SGCZ: variants seen among roughly 807,000 people sequenced by gnomAD.
SGCZ encodes the protein sarcoglycan zeta, also known as zeta-sarcoglycan.
SGCZ carries 40 observed loss-of-function variants against 41.3 expected under a neutral mutation model. The observed-to-expected ratio is 0.97, with a 90% confidence interval of 0.75 to 1.26. The LOEUF (loss-of-function observed/expected upper bound fraction) is 1.26, where lower values mean the gene tolerates loss of function less well. Ranked by LOEUF, SGCZ falls within the 50% of genes most tolerant of loss-of-function variation. SGCZ has a pLI of 0.00. For synonymous variants in SGCZ, 206 were observed against 137.5 expected (o/e 1.50, Z -3.49); for missense variants, 552 against 369.8 (o/e 1.49, Z -4.04).
At chr8:14,142,556 G>A (rs1330497378) in intron 5 of SGCZ, among the ~76,000 whole-genome samples, 3 of 152,202 alleles carry the variant, frequency 2.0e-5, no homozygotes, top group Admixed American at 1.3e-4. Context: ...TGAAGCAACT[G>A]GCTTATTGTC....
intron 4 of SGCZ, among the ~76,000 whole-genome samples, chr8:14,192,242 A>C (rs923873313): frequency 2.6e-5 from 4 of 152,132 alleles, no homozygotes; most frequent in African/African-American, 9.6e-5. Context: ...ATGCTTACCA[A>C]ATTTTTGCAT....
intron 1 of SGCZ, among the ~76,000 whole-genome samples, chr8:14,672,142 GC>G (rs1393500584): frequency 1.3e-5 from 2 of 152,100 alleles, no homozygotes; most frequent in Non-Finnish European, 2.9e-5. Context: ...GGTTCTCTTT[GC>G]CTTCTAAATG....
intron 4 of SGCZ, among the ~76,000 whole-genome samples, chr8:14,191,274 T>C (rs922889734): frequency 6.6e-6 from 1 of 152,086 alleles, no homozygotes; most frequent in African/African-American, 2.4e-5. Context: ...TATAATCCTT[T>C]AATCCATATG....
At chr8:14,745,465 C>T (rs886879426) in intron 1 of SGCZ, among the ~76,000 whole-genome samples, 1 of 151,984 alleles carries the variant, frequency 6.6e-6, no homozygotes, top group Non-Finnish European at 1.5e-5. Flanking sequence ...ATGCCTTAGT[C>T]CCATCTACTC....
chr8:14,374,661 C>T (rs759907097), intron 2 of SGCZ, among the ~76,000 whole-genome samples: 5 of 152,144 alleles, frequency 3.3e-5, no homozygotes, highest in Non-Finnish European at 7.3e-5. Context: ...CACATACTGC[C>T]ATGTTTTCCT....
At chr8:14,157,442 A>T (rs1332180313) in intron 5 of SGCZ, among the ~76,000 whole-genome samples, 1 of 150,262 alleles carries the variant, frequency 6.7e-6, no homozygotes, top group Non-Finnish European at 1.5e-5. Context: ...TGTCTTTTTG[A>T]CATGTCCCCA....
intron 4 of SGCZ, among the ~76,000 whole-genome samples, chr8:14,221,588 C>G (rs1477177717): frequency 6.6e-6 from 1 of 152,152 alleles, no homozygotes; most frequent in African/African-American, 2.4e-5. Flanking sequence ...TTTGAATTAC[C>G]ATTACAATTG....
At chr8:14,546,748 A>G (rs1486326886) in intron 2 of SGCZ, among the ~76,000 whole-genome samples, 1 of 152,188 alleles carries the variant, frequency 6.6e-6, no homozygotes, top group Non-Finnish European at 1.5e-5. Context: ...GAAAGCACGG[A>G]GTTATACCAT....
chr8:14,232,774 G>T (rs571814278), intron 4 of SGCZ, among the ~76,000 whole-genome samples: 1 of 152,094 alleles, frequency 6.6e-6, no homozygotes, highest in Non-Finnish European at 1.5e-5. Flanking sequence ...TTCCCTAGGT[G>T]TTAGTTCATT....
intron 1 of SGCZ, among the ~76,000 whole-genome samples, chr8:15,099,608 G>T (rs2054062): frequency 1.3e-5 from 2 of 152,028 alleles, no homozygotes; most frequent in African/African-American, 4.8e-5. Context: ...TCATAACTAA[G>T]TCATTCTATG....
chr8:14,278,490 T>C (rs1800310144), intron 3 of SGCZ, among the ~76,000 whole-genome samples: 1 of 152,160 alleles, frequency 6.6e-6, no homozygotes, highest in African/African-American at 2.4e-5. Flanking sequence ...AGCCATGTTG[T>C]GAGATGATGA....
chr8:14,885,990 T>C (rs1426404447), intron 1 of SGCZ, among the ~76,000 whole-genome samples: 1 of 24,968 alleles, frequency 4.0e-5, no homozygotes, highest in Non-Finnish European at 9.3e-5. Context: ...TTATGTTATA[T>C]ATATATATAT....
At chr8:15,115,390 T>C (rs900609591) in intron 1 of SGCZ, among the ~76,000 whole-genome samples, 7 of 152,194 alleles carry the variant, frequency 4.6e-5, no homozygotes, top group Non-Finnish European at 1.0e-4. Flanking sequence ...ACATGACTGT[T>C]GGAAAACTGG....
At chr8:15,236,759 C>T (rs1268682606) in intron 1 of SGCZ, among the ~76,000 whole-genome samples, 1 of 152,186 alleles carries the variant, frequency 6.6e-6, no homozygotes, top group East Asian at 1.9e-4. Flanking sequence ...TCCCTCCGGG[C>T]AGGCCCTCAC....
In SGCZ at chr8:14,652,818, T is replaced by C. The variant is rs146894681; in HGVS notation, c.40-97892A>G. Among the ~76,000 whole-genome samples the C allele has an allele frequency of 4.7e-3, 710 of 152,206 alleles. 6 individuals are homozygous for C. Among genetic ancestry groups the C allele is most frequent in the African/African-American group, 0.016 (666 of 41,528 alleles). On this transcript the variant is annotated intron_variant, in intron 1 of 7. Coordinates refer to ENST00000382080, the MANE Select transcript of SGCZ (RefSeq NM_139167.4). ...TTAAATATAGATGAGGTGTCTAGAA[T>C]AGAAATAGACAAGTCTACAATGAAT...
At chr8:14,929,844 A>T in intron 1 of SGCZ, among the ~76,000 whole-genome samples, 1 of 152,090 alleles carries the variant, frequency 6.6e-6, no homozygotes, top group East Asian at 1.9e-4. Flanking sequence ...TTATTTCAAC[A>T]GAATGACAGG....
chr8:14,718,426 A>T, intron 1 of SGCZ, among the ~76,000 whole-genome samples: 1 of 152,070 alleles, frequency 6.6e-6, no homozygotes, highest in East Asian at 1.9e-4. Flanking sequence ...TAATCATGTG[A>T]TGCTCTTTTT....
intron 1 of SGCZ, among the ~76,000 whole-genome samples, chr8:14,953,588 G>C (rs958376319): frequency 6.6e-6 from 1 of 152,136 alleles, no homozygotes; most frequent in Non-Finnish European, 1.5e-5. Flanking sequence ...CAATAACAGA[G>C]GTTAAGGACC....
At chr8:14,915,749 T>C (rs1237933446) in intron 1 of SGCZ, among the ~76,000 whole-genome samples, 1 of 152,134 alleles carries the variant, frequency 6.6e-6, no homozygotes, top group Non-Finnish European at 1.5e-5. Flanking sequence ...CTGTGGTCCC[T>C]GCCTCCCTGC....
Sources: allele counts gnomAD v4.1 joint callset (sites outside exome capture counted in the v4.1 genomes callset), GRCh38; gene constraint gnomAD v4.1.1; transcripts MANE v1.5; gene names NCBI Gene and HGNC (gene_info 2026-07-23, HGNC 2026-07-21).